The following DGKG variants were observed in gnomAD, a reference collection of about 807,000 sequenced individuals.
DGKG encodes DAG kinase gamma.
Under a neutral mutation model 105.3 loss-of-function variants are expected in DGKG, and 78 were observed. The ratio of observed to expected loss-of-function variants is 0.74; its 90% CI spans 0.62 to 0.89. The LOEUF is 0.89. Ranked by LOEUF, DGKG falls within the 40% of genes least tolerant of loss-of-function variation. DGKG has a pLI of 0.00. For synonymous variants in DGKG, 346 were observed against 367.1 expected, an observed-to-expected ratio of 0.94 and a Z score of 0.66; for missense variants, 958 against 1,020.1, an observed-to-expected ratio of 0.94 and a Z score of 0.83.
intron 6 of DGKG, 61 bp downstream of exon 6, chr3:186,288,649 A>T: frequency 6.4e-7 from 1 of 1,558,434 alleles, no homozygotes; most frequent in Admixed American, 1.7e-5. Context: ...GGAATAATGG[A>T]TAGAACCCCA....
intron 17 of DGKG, among the ~76,000 whole-genome samples, chr3:186,256,061 G>A (rs1236517458): frequency 6.6e-6 from 1 of 152,074 alleles, no homozygotes; most frequent in African/African-American, 2.4e-5. Context: ...GGTGGAGAGG[G>A]AGCCGTGTGA....
intron 6 of DGKG, among the ~76,000 whole-genome samples, chr3:186,286,218 G>A (rs1188261268): frequency 6.6e-6 from 1 of 152,066 alleles, no homozygotes; most frequent in Non-Finnish European, 1.5e-5. Flanking sequence ...ATGGGCTTTC[G>A]ATTCTTTGTG....
rs1045580496 is a variant in DGKG, at chr3:186,229,987, C to T, written c.1826+12517G>A. Among the ~76,000 whole-genome samples, 6 of 152,260 alleles carry T rather than the reference C, an allele frequency of 3.9e-5. No individual in the cohort carries two copies. The East Asian group carries it at 7.7e-4, about 20-fold the overall frequency. On this transcript the variant is annotated intron_variant, in intron 20 of 24. Transcript: ENST00000265022. ...AAAAACACTGGAGATGGGCTGGGCG[C>T]GGTGGCTCACGCCTGTAATCTCAGC...
chr3:186,213,601 C>T (rs1370291356), intron 20 of DGKG, among the ~76,000 whole-genome samples: 1 of 152,176 alleles, frequency 6.6e-6, no homozygotes, highest in Non-Finnish European at 1.5e-5. Flanking sequence ...TACTGTGAGT[C>T]ATGTGGATCT....
chr3:186,244,747 C>G (rs1000949359), intron 19 of DGKG, among the ~76,000 whole-genome samples: 3 of 152,052 alleles, frequency 2.0e-5, no homozygotes, highest in African/African-American at 7.2e-5. Context: ...AGTTTAAGGT[C>G]TTGGAGAGGC....
chr3:186,342,997 C>T (rs568750809), intron 1 of DGKG, among the ~76,000 whole-genome samples: 30 of 151,980 alleles, frequency 2.0e-4, no homozygotes, highest in African/African-American at 6.0e-4. Context: ...CAAACTTAAA[C>T]GGAAAAATTA....
intron 10 of DGKG, among the ~76,000 whole-genome samples, chr3:186,275,086 C>T (rs1722516207): frequency 6.6e-6 from 1 of 152,178 alleles, no homozygotes; most frequent in Admixed American, 6.5e-5. Context: ...TCCATGTTGG[C>T]AGGGCCGGTC....
At chr3:186,346,451 A>T (rs1026879471) in intron 1 of DGKG, among the ~76,000 whole-genome samples, 2 of 152,130 alleles carry the variant, frequency 1.3e-5, no homozygotes, top group Non-Finnish European at 2.9e-5. Context: ...TTACTCCCTT[A>T]TTTTACATTT....
intron 1 of DGKG, among the ~76,000 whole-genome samples, chr3:186,358,448 A>G (rs1727079907): frequency 6.6e-6 from 1 of 152,068 alleles, no homozygotes; most frequent in Non-Finnish European, 1.5e-5. Flanking sequence ...TGGCTTGGAG[A>G]TCAACGAGGC....
rs1720529676 is a variant in DGKG at position 186,238,570 on chromosome 3, CTTTAGAA to C, written c.1826+3927_1826+3933del. ...CTTTATTCCAGATCACTTTCAAACA[CTTTAGAA>C]TCTCAGTTGAATCAAATTTCTCTTT... On this transcript the variant is annotated intron_variant, in intron 20 of 24. Coordinates refer to ENST00000265022, the MANE Select transcript of DGKG (RefSeq NM_001346.3). Among the ~76,000 whole-genome samples, 3 of 152,284 alleles carry C rather than the reference CTTTAGAA, an allele frequency of 2.0e-5. No individual in the cohort carries two copies. The South Asian group carries it at 6.2e-4, about 32-fold the overall frequency.
rs920942740 is a variant in DGKG, at chr3:186,211,958, G to T, written c.1827-73C>A. ...CTCATGTAAAATAGCTATGTTCTTT[G>T]GATTGGGAGGCCCAAGCCTTCAGCA... On this transcript the variant is annotated intron_variant, in intron 20 of 24. Transcript: ENST00000265022. 1.1e-5 allele frequency: 13 copies of T among 1,229,428 alleles called. No homozygotes were observed. The African/African-American group carries it at 1.8e-4, about 17-fold the overall frequency. 76.2% of individuals were successfully genotyped at this position (1,229,428 alleles called of 1,614,324 possible). A position where few individuals can be genotyped will look rare whatever the true frequency, so the allele number is the denominator to read the frequency against.
chr3:186,309,644 G>A (rs1341017054), intron 2 of DGKG, among the ~76,000 whole-genome samples: 1 of 152,198 alleles, frequency 6.6e-6, no homozygotes, highest in Non-Finnish European at 1.5e-5. Flanking sequence ...AAAAATCTGA[G>A]AACATGAGTA....
intron 3 of DGKG, among the ~76,000 whole-genome samples, chr3:186,302,654 A>G (rs1354988279): frequency 6.6e-6 from 1 of 150,428 alleles, no homozygotes; most frequent in Non-Finnish European, 1.5e-5. Context: ...ATATCTATAT[A>G]TCTTGAGCCT....
intron 20 of DGKG, among the ~76,000 whole-genome samples, chr3:186,225,689 T>C (rs1347841683): frequency 6.6e-6 from 1 of 151,984 alleles, no homozygotes; most frequent in Non-Finnish European, 1.5e-5. Context: ...TTCTCACCAC[T>C]CCCTAAAGCC....
intron 12 of DGKG, 81 bp downstream of exon 12, chr3:186,268,720 C>T: frequency 9.9e-7 from 1 of 1,014,476 alleles, no homozygotes. Context: ...TGCCCTCTGG[C>T]CGGATATTCA....
Position 186,149,391 on chromosome 3 carries a change from G to A in DGKG, c.*699C>T. 3 of 985,410 alleles carry A rather than the reference G, an allele frequency of 3.0e-6. No homozygotes were observed. The highest frequency in any genetic ancestry group is 3.5e-5 in the African/African-American group (2 of 57,348). 61.0% of individuals were successfully genotyped at this position (985,410 alleles called of 1,614,324 possible). On this transcript the variant is annotated 3_prime_UTR_variant, in exon 25 of 25. Transcript: ENST00000265022. ...GCAGGCAGCTCTGGGGGCTCTTGGA[G>A]CCGCCTCTAAGCAAACATGTAGACA...
In DGKG at chr3:186,227,765, T is replaced by C. The variant is rs192484519; in HGVS notation, c.1826+14739A>G. 5.0e-3 allele frequency among the ~76,000 whole-genome samples: 758 copies of C among 152,302 alleles called. 5 individuals carry two copies. The highest frequency in any genetic ancestry group is 0.022 in the Admixed American group (335 of 15,304). On this transcript the variant is annotated intron_variant, in intron 20 of 24. Coordinates refer to ENST00000265022, the MANE Select transcript of DGKG (RefSeq NM_001346.3). ...AACATCTATTACCTTTTCACCTTGT[T>C]TTTCAATTTCTTCATAATAAAACGC...
intron 3 of DGKG, among the ~76,000 whole-genome samples, chr3:186,299,805 CTT>C (rs1161470138): frequency 2.1e-5 from 2 of 95,590 alleles, no homozygotes; most frequent in Non-Finnish European, 4.3e-5. Flanking sequence ...TTCTTTCTTT[CTT>C]TCTTTCTTTC....
chr3:186,185,698 C>T (rs1363076093), intron 22 of DGKG, among the ~76,000 whole-genome samples: 1 of 152,118 alleles, frequency 6.6e-6, no homozygotes, highest in African/African-American at 2.4e-5. Context: ...GCTTCCCCTA[C>T]CCTCTGTTAG....
Sources: allele counts gnomAD v4.1 joint callset (sites outside exome capture counted in the v4.1 genomes callset), GRCh38; gene constraint gnomAD v4.1.1; transcripts MANE v1.5; gene names NCBI Gene and HGNC (gene_info 2026-07-23, HGNC 2026-07-21).